Variants in LINGO2 observed in about 807,000 individuals in gnomAD.
LINGO2 encodes the protein leucine-rich repeat and immunoglobulin-like domain-containing nogo receptor-interacting protein 2.
In LINGO2, 14 loss-of-function variants were observed where a neutral mutation model predicts 30.6. That is an observed-to-expected ratio of 0.46 (90% CI 0.30 to 0.72). LINGO2 has a LOEUF of 0.72. Among genes scored for constraint, LINGO2 ranks in the 30% least tolerant of loss-of-function variants. The pLI is 0.07. For missense variants in LINGO2, 729 were observed against 751.7 expected (o/e 0.97, Z 0.35); for synonymous variants, 317 against 288.5 (o/e 1.10, Z -1.00).
intron 5 of LINGO2, among the ~76,000 whole-genome samples, chr9:27,952,684 C>T (rs1819376027): frequency 6.6e-6 from 1 of 151,956 alleles, no homozygotes; most frequent in South Asian, 2.1e-4. Flanking sequence ...GAGAAAAATA[C>T]AAATGATTGG....
At chr9:28,465,065 G>A (rs1825242086) in intron 2 of LINGO2, among the ~76,000 whole-genome samples, 1 of 152,160 alleles carries the variant, frequency 6.6e-6, no homozygotes. Context: ...GGTTGCATGC[G>A]ACCTCTGGAT....
At chr9:28,695,004 T>C in the LINGO2 span, among the ~76,000 whole-genome samples, 3 of 150,690 alleles carry the variant, frequency 2.0e-5, no homozygotes, top group African/African-American at 7.3e-5. Flanking sequence ...GTGAGTTGTA[T>C]ACCCATTGAG....
At chr9:28,481,348 T>C (rs188203467) in intron 1 of LINGO2, among the ~76,000 whole-genome samples, 63 of 152,264 alleles carry the variant, frequency 4.1e-4, no homozygotes, top group African/African-American at 1.3e-3. Flanking sequence ...TAATAAATAG[T>C]AGTAACCAGG....
At chr9:28,181,604 C>A (rs1828912782) in intron 4 of LINGO2, among the ~76,000 whole-genome samples, 1 of 152,128 alleles carries the variant, frequency 6.6e-6, no homozygotes, top group Admixed American at 6.5e-5. Flanking sequence ...GTATAGTCAA[C>A]TTTGGGAAGC....
At chr9:28,098,673 A>C (rs541821567) in intron 4 of LINGO2, among the ~76,000 whole-genome samples, 2 of 152,188 alleles carry the variant, frequency 1.3e-5, no homozygotes, top group Admixed American at 1.3e-4. Flanking sequence ...AAGAGTCAAG[A>C]ATGCTAAGCC....
At chr9:28,579,794 G>C (rs975889670) in intron 1 of LINGO2, among the ~76,000 whole-genome samples, 9 of 152,134 alleles carry the variant, frequency 5.9e-5, no homozygotes, top group African/African-American at 2.2e-4. Flanking sequence ...CAGAAATAAT[G>C]ATGAATTGGC....
At chr9:28,876,543 A>T in the LINGO2 span, among the ~76,000 whole-genome samples, 3 of 152,018 alleles carry the variant, frequency 2.0e-5, no homozygotes, top group African/African-American at 7.2e-5. Flanking sequence ...GAATGATGAT[A>T]TCCAATTTCA....
the LINGO2 span, among the ~76,000 whole-genome samples, chr9:29,083,878 A>G: frequency 5.3e-5 from 8 of 152,156 alleles, no homozygotes; most frequent in South Asian, 2.1e-4. Flanking sequence ...ATCAGCCATA[A>G]TATTAACTCA....
chr9:28,736,990 C>T, the LINGO2 span, among the ~76,000 whole-genome samples: 41,729 of 151,838 alleles, frequency 0.27, 6,060 homozygotes, highest in Admixed American at 0.4. Context: ...TAATTCAGGC[C>T]TTGGGTAGTA....
chr9:28,692,732 T>C, the LINGO2 span, among the ~76,000 whole-genome samples: 1 of 152,094 alleles, frequency 6.6e-6, no homozygotes, highest in Non-Finnish European at 1.5e-5. Context: ...GAAAATTGCC[T>C]CATGTTGGGT....
rs926227720 is a variant in LINGO2, at chr9:28,199,836, G to C, written c.-87+95372C>G. The stretch of plus-strand genomic sequence containing the variant: ...ATAATACATGACCAATACATTGAAA[G>C]ATAATTCTTCAAAAACAATATTACC... On this transcript the variant is annotated intron_variant, in intron 4 of 5. Coordinates refer to ENST00000379992, the Ensembl canonical transcript of LINGO2. Among the ~76,000 whole-genome samples, 3 of 152,010 alleles carry C rather than the reference G, an allele frequency of 2.0e-5. No individual in the cohort carries two copies. In the East Asian group the frequency reaches 5.8e-4, roughly 29 times the overall value.
intron 1 of LINGO2, among the ~76,000 whole-genome samples, chr9:28,615,101 A>G (rs1197287137): frequency 6.6e-6 from 1 of 152,098 alleles, no homozygotes; most frequent in Non-Finnish European, 1.5e-5. Context: ...GGGAGAACTA[A>G]TTTGCCTGCT....
intron 4 of LINGO2, among the ~76,000 whole-genome samples, chr9:28,294,488 T>C (rs2134181021): frequency 6.6e-6 from 1 of 152,312 alleles, no homozygotes; most frequent in East Asian, 1.9e-4. Context: ...TTGTAGTTTC[T>C]TCAGGTAATT....
chr9:28,043,012 A>T (rs1427386501), intron 4 of LINGO2, among the ~76,000 whole-genome samples: 2 of 152,210 alleles, frequency 1.3e-5, no homozygotes, highest in Admixed American at 1.3e-4. Context: ...TGACTTGAGG[A>T]TATTTCATGG....
chr9:29,005,954 G>T, the LINGO2 span, among the ~76,000 whole-genome samples: 2 of 151,874 alleles, frequency 1.3e-5, no homozygotes, highest in Non-Finnish European at 2.9e-5. Context: ...GAGACCAATG[G>T]ATAGGAATAG....
At chr9:28,819,751 G>T in the LINGO2 span, among the ~76,000 whole-genome samples, 1 of 152,172 alleles carries the variant, frequency 6.6e-6, no homozygotes, top group Admixed American at 6.5e-5. Flanking sequence ...TACTTGCCTT[G>T]GTGCTGACCA....
chr9:28,671,471 C>G (rs373116273), upstream of LINGO2, among the ~76,000 whole-genome samples: 69 of 141,338 alleles, frequency 4.9e-4, no homozygotes, highest in South Asian at 0.015. Flanking sequence ...AGATTATGAC[C>G]TTTTTAGCAA....
At chr9:28,801,493 G>A in the LINGO2 span, among the ~76,000 whole-genome samples, 3 of 152,084 alleles carry the variant, frequency 2.0e-5, no homozygotes, top group Admixed American at 2.0e-4. Context: ...ATGCAAAAAT[G>A]TGACCTCAAA....
chr9:28,297,891 A>C (rs544663372), intron 3 of LINGO2, among the ~76,000 whole-genome samples: 3 of 152,318 alleles, frequency 2.0e-5, no homozygotes, highest in African/African-American at 7.2e-5. Flanking sequence ...CATCACATCC[A>C]AGTTAACAGA....
Sources: gnomAD v4.1 joint callset for allele counts (sites outside exome capture counted in the v4.1 genomes callset) on GRCh38, gnomAD v4.1.1 for gene constraint, MANE v1.5 for transcripts, NCBI Gene and HGNC (gene_info 2026-07-23, HGNC 2026-07-21) for gene names.